The following BAZ2B variants were observed in gnomAD, a reference collection of about 807,000 sequenced individuals.
BAZ2B encodes the protein bromodomain adjacent to zinc finger domain protein 2B.
A neutral mutation model predicts 246.0 loss-of-function variants in BAZ2B; 91 were observed. The observed-to-expected ratio is 0.37, with a 90% confidence interval of 0.31 to 0.44. The LOEUF is 0.44. BAZ2B is among the 20% of genes least tolerant of loss of function. BAZ2B has a pLI of 1.00. For synonymous variants in BAZ2B, 855 were observed against 860.0 expected (o/e 0.99, Z 0.10); for missense variants, 2,332 against 2,533.7 (o/e 0.92, Z 1.71).
At chr2:159,686,670 C>T in the BAZ2B span, among the ~76,000 whole-genome samples, 5 of 151,936 alleles carry the variant, frequency 3.3e-5, no homozygotes, top group Admixed American at 3.3e-4. Flanking sequence ...AGACATTAAC[C>T]GAAAAACAGG....
chr2:159,437,588 AC>A (rs2072616585), intron 8 of BAZ2B: 1 of 152,156 alleles, frequency 6.6e-6, no homozygotes, highest in African/African-American at 2.4e-5. Flanking sequence ...TTCTAGGACT[AC>A]AGAGGTAAAT....
At chr2:159,593,382 A>G (rs1689851458) in intron 1 of BAZ2B, among the ~76,000 whole-genome samples, 1 of 152,158 alleles carries the variant, frequency 6.6e-6, no homozygotes, top group South Asian at 2.1e-4. Context: ...ACTTTAACAA[A>G]GGGAAAAAAA....
intron 1 of BAZ2B, among the ~76,000 whole-genome samples, chr2:159,557,929 A>G (rs1385508266): frequency 6.6e-6 from 1 of 152,256 alleles, no homozygotes; most frequent in Non-Finnish European, 1.5e-5. Flanking sequence ...TAAAAAAAAA[A>G]GCAAGGCAGG....
chr2:159,472,807 A>C (rs2077980967), intron 3 of BAZ2B, among the ~76,000 whole-genome samples: 1 of 152,198 alleles, frequency 6.6e-6, no homozygotes, highest in Middle Eastern at 3.2e-3. Flanking sequence ...GTGTATGTTG[A>C]ACCAGCCTTG....
At chr2:159,405,459 C>A (rs574137166) in intron 14 of BAZ2B, among the ~76,000 whole-genome samples, 59 of 152,238 alleles carry the variant, frequency 3.9e-4, no homozygotes, top group African/African-American at 1.4e-3. Flanking sequence ...ATCTGCCCCG[C>A]CTCGGCCTCC....
chr2:159,674,406 GAAGAA>G, the BAZ2B span, among the ~76,000 whole-genome samples: 64 of 149,018 alleles, frequency 4.3e-4, no homozygotes, highest in African/African-American at 1.5e-3. Flanking sequence ...AAAGAGAAGA[GAAGAA>G]AAGAAAAGAA....
chr2:159,568,182 C>T (rs544632408), intron 1 of BAZ2B, among the ~76,000 whole-genome samples: 1 of 152,288 alleles, frequency 6.6e-6, no homozygotes, highest in South Asian at 2.1e-4. Flanking sequence ...CTTGGTCTGT[C>T]TCTGGTGAAT....
intron 1 of BAZ2B, among the ~76,000 whole-genome samples, chr2:159,580,216 T>C (rs141052336): frequency 0.065 from 9,924 of 152,188 alleles, 452 homozygotes; most frequent in East Asian, 0.22. Flanking sequence ...GCAACTTCAG[T>C]AAAGTCTCAG....
chr2:159,500,915 C>T (rs2081629815), intron 2 of BAZ2B, among the ~76,000 whole-genome samples: 2 of 149,278 alleles, frequency 1.3e-5, no homozygotes, highest in African/African-American at 2.5e-5. Context: ...GATTGCGCCA[C>T]TGCACTCCAG....
At chr2:159,558,405 C>T (rs560229886) in intron 1 of BAZ2B, among the ~76,000 whole-genome samples, 25 of 152,140 alleles carry the variant, frequency 1.6e-4, no homozygotes, top group Admixed American at 5.9e-4. Context: ...TACAGGCATG[C>T]GCCACCATGC....
intron 1 of BAZ2B, among the ~76,000 whole-genome samples, chr2:159,603,200 TTAA>T (rs1430708264): frequency 6.6e-6 from 1 of 152,130 alleles, no homozygotes; most frequent in Non-Finnish European, 1.5e-5. Flanking sequence ...ATGCAGTCTT[TTAA>T]AATACTTAAT....
the BAZ2B span, among the ~76,000 whole-genome samples, chr2:159,628,531 G>A: frequency 2.0e-5 from 3 of 152,064 alleles, no homozygotes; most frequent in African/African-American, 7.2e-5. Context: ...CTACAACCAT[G>A]TGATCTTTGA....
intron 2 of BAZ2B, among the ~76,000 whole-genome samples, chr2:159,489,570 A>C (rs187366355): frequency 6.6e-6 from 1 of 152,326 alleles, no homozygotes; most frequent in Non-Finnish European, 1.5e-5. Flanking sequence ...CAAGAAGATG[A>C]GCAAACCCCA....
At chr2:159,565,419 G>A (rs2090290826) in intron 1 of BAZ2B, among the ~76,000 whole-genome samples, 1 of 152,090 alleles carries the variant, frequency 6.6e-6, no homozygotes, top group Non-Finnish European at 1.5e-5. Context: ...CTGATGACAT[G>A]ATCTAGAGAG....
chr2:159,465,913 CAA>C (rs545496023), intron 3 of BAZ2B, among the ~76,000 whole-genome samples: 1 of 129,630 alleles, frequency 7.7e-6, no homozygotes, highest in Non-Finnish European at 1.7e-5. Flanking sequence ...GACCCTGTCT[CAA>C]AAAAAAAAAA....
intron 1 of BAZ2B, among the ~76,000 whole-genome samples, chr2:159,587,900 C>CA (rs1242248709): frequency 7.3e-6 from 1 of 136,482 alleles, no homozygotes; most frequent in African/African-American, 2.7e-5. Context: ...CAAAAAATAA[C>CA]AAAAAAAGGC....
At chr2:159,709,668 G>A in the BAZ2B span, among the ~76,000 whole-genome samples, 1 of 152,156 alleles carries the variant, frequency 6.6e-6, no homozygotes, top group African/African-American at 2.4e-5. Flanking sequence ...CAAAGTAAAG[G>A]ATATCTCTAC....
At chr2:159,526,183 T>C (rs946635210) in intron 2 of BAZ2B, among the ~76,000 whole-genome samples, 3 of 152,104 alleles carry the variant, frequency 2.0e-5, no homozygotes, top group African/African-American at 7.2e-5. Context: ...TTATTGGACT[T>C]CAAAGCAGCC....
In BAZ2B at chr2:159,449,457, T is replaced by C. The variant is rs559426887; in HGVS notation, c.335-1048A>G. Among the ~76,000 whole-genome samples, 19 of 152,268 alleles carry C rather than the reference T, an allele frequency of 1.2e-4. 1 individual carries two copies. The South Asian group carries it at 3.7e-3, about 30-fold the overall frequency. ...AAACTCAAAATTGTCAGTCTTTATATTATATAATATTAAAAACTTTTCTAG... is the reference window on the plus strand; with the variant it reads ...AAACTCAAAATTGTCAGTCTTTATACTATATAATATTAAAAACTTTTCTAG... On this transcript the variant is annotated intron_variant, in intron 4 of 36. Transcript: ENST00000392783.
Sources: allele counts gnomAD v4.1 joint callset (sites outside exome capture counted in the v4.1 genomes callset), GRCh38; gene constraint gnomAD v4.1.1; transcripts MANE v1.5; gene names NCBI Gene and HGNC (gene_info 2026-07-23, HGNC 2026-07-21).